The following GNA14 variants were observed in gnomAD, a reference collection of about 807,000 sequenced individuals.
GNA14 encodes the protein guanine nucleotide-binding protein subunit alpha-14.
A neutral mutation model predicts 42.0 loss-of-function variants in GNA14; 50 were observed. The observed-to-expected ratio is 1.19, with a 90% CI of 0.95 to 1.51. GNA14 has a LOEUF of 1.51. GNA14 is among the 40% of genes most tolerant of loss of function. GNA14 has a pLI of 0.00. For synonymous variants in GNA14, 173 were observed against 163.1 expected (o/e 1.06, Z -0.46); for missense variants, 473 against 446.2 (o/e 1.06, Z -0.54).
At chr9:77,568,674 A>C (rs1389510595) in intron 1 of GNA14, among the ~76,000 whole-genome samples, 1 of 152,108 alleles carries the variant, frequency 6.6e-6, no homozygotes, top group Non-Finnish European at 1.5e-5. Context: ...TAACCTGAGG[A>C]GGAAAGGCTG....
intron 1 of GNA14, among the ~76,000 whole-genome samples, chr9:77,582,591 A>T (rs1250796323): frequency 2.0e-5 from 3 of 152,166 alleles, no homozygotes; most frequent in Admixed American, 2.0e-4. Flanking sequence ...ACTTCTCTCC[A>T]GTCCACCAGA....
intron 1 of GNA14, among the ~76,000 whole-genome samples, chr9:77,576,987 C>A (rs1444411702): frequency 6.6e-6 from 1 of 152,186 alleles, no homozygotes; most frequent in Non-Finnish European, 1.5e-5. Context: ...TAACCTCTAG[C>A]ATTTTCCATG....
intron 1 of GNA14, among the ~76,000 whole-genome samples, chr9:77,642,868 A>T (rs1461132409): frequency 2.0e-5 from 3 of 152,200 alleles, no homozygotes; most frequent in Non-Finnish European, 4.4e-5. Context: ...AACACCATTT[A>T]CTGTCCTCAG....
intron 1 of GNA14, among the ~76,000 whole-genome samples, chr9:77,571,822 G>A (rs1424812740): frequency 6.6e-6 from 1 of 151,568 alleles, no homozygotes; most frequent in East Asian, 1.9e-4. Context: ...ATTTTTAAGA[G>A]TGTAAAATAT....
At chr9:77,467,823 T>C (rs1453219932) in intron 2 of GNA14, among the ~76,000 whole-genome samples, 1 of 151,920 alleles carries the variant, frequency 6.6e-6, no homozygotes, top group Non-Finnish European at 1.5e-5. Context: ...GTGGGTACTG[T>C]GTGTTAGGGT....
rs554456018 is a variant in GNA14 at position 77,528,169 on chromosome 9, C to T, written c.309+900G>A. The stretch of plus-strand genomic sequence containing the variant: ...CATATATATATGAGTATAGGTGCCA[C>T]AAGTTCATAATAAAGTTGTCCTTAG... On this transcript the variant is annotated intron_variant, in intron 2 of 6. Coordinates refer to ENST00000341700, the MANE Select transcript of GNA14 (RefSeq NM_004297.4). Among the ~76,000 whole-genome samples, 460 of 152,254 alleles carry T rather than the reference C, an allele frequency of 3.0e-3. 1 individual carries two copies. Among genetic ancestry groups the T allele is most frequent in the Non-Finnish European group, 5.5e-3 (374 of 68,014 alleles).
At chr9:77,556,739 C>T (rs1171069836) in intron 1 of GNA14, among the ~76,000 whole-genome samples, 1 of 152,144 alleles carries the variant, frequency 6.6e-6, no homozygotes, top group Non-Finnish European at 1.5e-5. Flanking sequence ...CCACCACCCC[C>T]AGACACACAC....
intron 1 of GNA14, among the ~76,000 whole-genome samples, chr9:77,546,159 G>C (rs1837716819): frequency 6.9e-6 from 1 of 144,056 alleles, no homozygotes. Context: ...AGAGGTTGCA[G>C]TGAGCCGAGA....
chr9:77,572,190 G>A (rs1210545280), intron 1 of GNA14, among the ~76,000 whole-genome samples: 1 of 152,100 alleles, frequency 6.6e-6, no homozygotes, highest in Non-Finnish European at 1.5e-5. Context: ...TGGCCTGTGA[G>A]TTATAAGGAA....
intron 2 of GNA14, among the ~76,000 whole-genome samples, chr9:77,489,950 C>T (rs919661196): frequency 3.9e-5 from 6 of 152,150 alleles, no homozygotes; most frequent in African/African-American, 1.4e-4. Flanking sequence ...TATCTGGCCC[C>T]GCCCACATCC....
At chr9:77,528,692 T>C (rs1373896634) in intron 2 of GNA14, among the ~76,000 whole-genome samples, 1 of 152,206 alleles carries the variant, frequency 6.6e-6, no homozygotes, top group Non-Finnish European at 1.5e-5. Flanking sequence ...TTCCTGAGAC[T>C]GGGAATTCTT....
intron 1 of GNA14, among the ~76,000 whole-genome samples, chr9:77,589,939 T>TA (rs894475176): frequency 6.6e-6 from 1 of 152,160 alleles, no homozygotes; most frequent in Non-Finnish European, 1.5e-5. Context: ...TGTTTTGAGA[T>TA]AGAGTCTTGC....
chr9:77,568,296 A>G (rs1587832910), intron 1 of GNA14, among the ~76,000 whole-genome samples: 1 of 152,016 alleles, frequency 6.6e-6, no homozygotes, highest in African/African-American at 2.4e-5. Flanking sequence ...GGGGGCTCAG[A>G]TATTTCCAGT....
intron 1 of GNA14, among the ~76,000 whole-genome samples, chr9:77,636,347 CTCAT>C (rs1441173018): frequency 1.3e-5 from 2 of 152,074 alleles, no homozygotes; most frequent in Non-Finnish European, 2.9e-5. Flanking sequence ...ACTTTTTTCT[CTCAT>C]TCATTAAAAA....
At chr9:77,444,578 C>T (rs1403846683) in intron 2 of GNA14, among the ~76,000 whole-genome samples, 1 of 152,210 alleles carries the variant, frequency 6.6e-6, no homozygotes, top group Non-Finnish European at 1.5e-5. Flanking sequence ...TCCCCGTTTT[C>T]TCCTTAACTG....
At chr9:77,622,801 G>A (rs1356671234) in intron 1 of GNA14, among the ~76,000 whole-genome samples, 1 of 150,880 alleles carries the variant, frequency 6.6e-6, no homozygotes, top group African/African-American at 2.4e-5. Flanking sequence ...GGCTGAGGCA[G>A]GAGAATGGTG....
chr9:77,610,823 G>A (rs188141878), intron 1 of GNA14, among the ~76,000 whole-genome samples: 50 of 152,258 alleles, frequency 3.3e-4, no homozygotes, highest in African/African-American at 1.0e-3. Context: ...TAAGAAGACT[G>A]GATCTTGCTT....
intron 2 of GNA14, among the ~76,000 whole-genome samples, chr9:77,475,603 A>T (rs182307267): frequency 6.6e-6 from 1 of 151,986 alleles, no homozygotes; most frequent in Non-Finnish European, 1.5e-5. Context: ...CTGAGCATGG[A>T]CCCTTCCTTC....
chr9:77,478,302 T>G (rs1479616364), intron 2 of GNA14, among the ~76,000 whole-genome samples: 1 of 152,030 alleles, frequency 6.6e-6, no homozygotes, highest in Non-Finnish European at 1.5e-5. Context: ...CTTGTGATAG[T>G]TTACTGAGAA....
Sources: allele counts gnomAD v4.1 joint callset (sites outside exome capture counted in the v4.1 genomes callset), GRCh38; gene constraint gnomAD v4.1.1; transcripts MANE v1.5; gene names NCBI Gene and HGNC (gene_info 2026-07-23, HGNC 2026-07-21).